Variants in ITGA9 observed in about 807,000 individuals in gnomAD.
The protein encoded by ITGA9 is integrin alpha-9.
ITGA9 carries 56 observed loss-of-function variants against 127.8 expected under a neutral mutation model. That is an observed-to-expected ratio of 0.44 (90% CI 0.35 to 0.55). The LOEUF (loss-of-function observed/expected upper bound fraction) is 0.55. Ranked by LOEUF, ITGA9 falls within the 20% of genes least tolerant of loss-of-function variation. ITGA9 has a pLI of 0.00. For synonymous variants in ITGA9, 508 were observed against 514.5 expected (o/e 0.99, Z 0.17); for missense variants, 1,196 against 1,347.1 (o/e 0.89, Z 1.76).
At chr3:37,800,003 G>A (rs1697216464) in intron 26 of ITGA9, among the ~76,000 whole-genome samples, 1 of 152,170 alleles carries the variant, frequency 6.6e-6, no homozygotes, top group African/African-American at 2.4e-5. Flanking sequence ...TTTGAGAGTT[G>A]TGATGTGAGA....
chr3:37,704,107 A>G (rs776106013), intron 18 of ITGA9, among the ~76,000 whole-genome samples: 1 of 152,166 alleles, frequency 6.6e-6, no homozygotes, highest in African/African-American at 2.4e-5. Flanking sequence ...CTTTGTAGAC[A>G]TTACCCTCTG....
At chr3:37,653,251 A>G (rs1474466791) in intron 16 of ITGA9, among the ~76,000 whole-genome samples, 2 of 152,324 alleles carry the variant, frequency 1.3e-5, no homozygotes, top group South Asian at 2.1e-4. Flanking sequence ...ATACAGTCCC[A>G]TTGCTCAGGC....
chr3:37,783,328 T>G, intron 25 of ITGA9, among the ~76,000 whole-genome samples: 1 of 152,144 alleles, frequency 6.6e-6, no homozygotes, highest in Non-Finnish European at 1.5e-5. Context: ...TTTTTATTTA[T>G]TTTAATGTTT....
At chr3:37,647,237 G>C (rs1700385859) in intron 16 of ITGA9, among the ~76,000 whole-genome samples, 1 of 152,102 alleles carries the variant, frequency 6.6e-6, no homozygotes, top group Admixed American at 6.5e-5. Context: ...GCCCAAGTTA[G>C]GGAAGGCCAT....
intron 25 of ITGA9, among the ~76,000 whole-genome samples, chr3:37,781,402 A>G (rs1696974658): frequency 6.6e-6 from 1 of 152,216 alleles, no homozygotes; most frequent in African/African-American, 2.4e-5. Flanking sequence ...TGATCCAGTA[A>G]AACTTTATAA....
At chr3:37,521,058 G>A (rs1335627076) in intron 11 of ITGA9, among the ~76,000 whole-genome samples, 2 of 152,184 alleles carry the variant, frequency 1.3e-5, no homozygotes, top group Admixed American at 6.5e-5. Flanking sequence ...GGACCAGCCT[G>A]CCTTTGTCAG....
chr3:37,780,904 G>A (rs1409674075), intron 25 of ITGA9, among the ~76,000 whole-genome samples: 1 of 152,160 alleles, frequency 6.6e-6, no homozygotes, highest in Non-Finnish European at 1.5e-5. Flanking sequence ...TTTCCAGCAA[G>A]TGCCATTGGT....
At chr3:37,771,367 G>T (rs1265622744) in intron 23 of ITGA9, among the ~76,000 whole-genome samples, 1 of 152,170 alleles carries the variant, frequency 6.6e-6, no homozygotes, top group Non-Finnish European at 1.5e-5. Flanking sequence ...GATGAGATAA[G>T]GTAGTCCCCT....
chr3:37,762,792 G>A (rs1016894576), intron 23 of ITGA9, among the ~76,000 whole-genome samples: 10 of 152,158 alleles, frequency 6.6e-5, no homozygotes, highest in Admixed American at 2.0e-4. Flanking sequence ...GTCTGGGTGC[G>A]TAGCTGTCCA....
intron 15 of ITGA9, among the ~76,000 whole-genome samples, chr3:37,608,938 G>A (rs1699993524): frequency 6.6e-6 from 1 of 152,190 alleles, no homozygotes; most frequent in Non-Finnish European, 1.5e-5. Context: ...GGAAGCTGGT[G>A]TTTTGTGTTT....
intron 18 of ITGA9, among the ~76,000 whole-genome samples, chr3:37,728,070 T>G (rs1696237108): frequency 6.6e-6 from 1 of 152,260 alleles, no homozygotes; most frequent in African/African-American, 2.4e-5. Flanking sequence ...ATAGACAGTT[T>G]GCTCACTGGT....
intron 15 of ITGA9, among the ~76,000 whole-genome samples, chr3:37,553,781 T>TCAA (rs1299574060): frequency 6.6e-6 from 1 of 152,204 alleles, no homozygotes; most frequent in Non-Finnish European, 1.5e-5. Context: ...CCATGGTGTC[T>TCAA]GCAGGGAGTT....
At chr3:37,654,453 C>G (rs1700458694) in intron 17 of ITGA9, among the ~76,000 whole-genome samples, 1 of 152,200 alleles carries the variant, frequency 6.6e-6, no homozygotes, top group Non-Finnish European at 1.5e-5. Flanking sequence ...GGTGCTGGTC[C>G]TGATCATTTA....
intron 7 of ITGA9, among the ~76,000 whole-genome samples, chr3:37,507,718 G>C (rs1698860300): frequency 6.6e-6 from 1 of 152,056 alleles, no homozygotes; most frequent in African/African-American, 2.4e-5. Context: ...CCAGGGATTG[G>C]GGCTAGTACA....
At chr3:37,508,291 A>C (rs1698865915) in intron 7 of ITGA9, among the ~76,000 whole-genome samples, 1 of 152,222 alleles carries the variant, frequency 6.6e-6, no homozygotes, top group Non-Finnish European at 1.5e-5. Flanking sequence ...TGTAATTTGG[A>C]AGCTTCTTGG....
intron 1 of ITGA9, among the ~76,000 whole-genome samples, chr3:37,462,954 C>G (rs528555936): frequency 1.3e-5 from 2 of 152,298 alleles, no homozygotes; most frequent in South Asian, 4.1e-4. Context: ...CTGTAGCTGG[C>G]ACACTCCTGG....
At chr3:37,643,232 A>G (rs1700349096) in intron 16 of ITGA9, among the ~76,000 whole-genome samples, 1 of 152,186 alleles carries the variant, frequency 6.6e-6, no homozygotes, top group African/African-American at 2.4e-5. Flanking sequence ...CCCTACTCTT[A>G]TGGGTATCAG....
At chr3:37,538,838 T>G (rs1559531571) in intron 14 of ITGA9, among the ~76,000 whole-genome samples, 1 of 152,208 alleles carries the variant, frequency 6.6e-6, no homozygotes, top group African/African-American at 2.4e-5. Flanking sequence ...TCCTTTGGGG[T>G]AATTTAAAAT....
chr3:37,617,091 T>G (rs1193766468), intron 15 of ITGA9, among the ~76,000 whole-genome samples: 129 of 144,850 alleles, frequency 8.9e-4, no homozygotes, highest in South Asian at 1.8e-3. Context: ...GTTTTTGCAG[T>G]GGCTGGTAAT....
Sources: gnomAD v4.1 joint callset for allele counts (sites outside exome capture counted in the v4.1 genomes callset) on GRCh38, gnomAD v4.1.1 for gene constraint, MANE v1.5 for transcripts, NCBI Gene and HGNC (gene_info 2026-07-23, HGNC 2026-07-21) for gene names.